Variants in TGFBI observed in about 807,000 individuals in gnomAD.
The protein encoded by TGFBI is transforming growth factor beta induced.
TGFBI carries 50 observed loss-of-function variants against 73.7 expected under a neutral mutation model. The observed-to-expected ratio is 0.68, with a 90% CI of 0.54 to 0.86. The LOEUF is 0.86. TGFBI is among the 40% of genes least tolerant of loss of function. The pLI is 0.00. For missense variants in TGFBI, 839 were observed against 877.0 expected (o/e 0.96, Z 0.55); for synonymous variants, 362 against 360.5 (o/e 1.00, Z -0.05).
At chr5:136,029,281 C>G in intron 1 of TGFBI, 92 bp downstream of exon 1, 1 of 1,322,028 alleles carries the variant, frequency 7.6e-7, no homozygotes, top group Non-Finnish European at 9.8e-7. Flanking sequence ...GGGCTGGGGG[C>G]GCAGGGGACA....
Position 136,049,662 on chromosome 5 carries a change from T to C in TGFBI, c.913+82T>C, listed in dbSNP as rs554154883. On this transcript the variant is annotated intron_variant, in intron 7 of 16. Transcript: ENST00000442011. Reference sequence around the variant, plus strand: ...GACCTGCTCTGGTCCAAGATGAACATACCACCTGCCATGAGGTGACCCTCA... The same window carrying C: ...GACCTGCTCTGGTCCAAGATGAACACACCACCTGCCATGAGGTGACCCTCA... 45 of 1,496,760 alleles carry C rather than the reference T, an allele frequency of 3.0e-5. No individual in the cohort carries two copies. The South Asian group carries it at 5.3e-4, about 18-fold the overall frequency. 92.7% of individuals were successfully genotyped at this position (1,496,760 alleles called of 1,614,324 possible). A position where few individuals can be genotyped will look rare whatever the true frequency, so the allele number is the denominator to read the frequency against.
chr5:136,045,917 A>G (rs1008855304), intron 3 of TGFBI: 4 of 155,070 alleles, frequency 2.6e-5, no homozygotes, highest in African/African-American at 9.6e-5. Context: ...GCAAATACAC[A>G]CAGTACTTTG....
At chr5:136,061,995 G>T (rs1362487263) in intron 15 of TGFBI, among the ~76,000 whole-genome samples, 1 of 152,202 alleles carries the variant, frequency 6.6e-6, no homozygotes, top group Non-Finnish European at 1.5e-5. Flanking sequence ...TGAGGCTGGG[G>T]CTCTCCTGGG....
chr5:136,046,758 G>T, intron 4 of TGFBI, 93 bp from the exon 5 acceptor site: 1 of 1,460,250 alleles, frequency 6.8e-7, no homozygotes, highest in South Asian at 1.4e-5. Context: ...CTGGGCTCAC[G>T]AGGGCTGAGA....
At position 136,044,061 on chromosome 5, in the gene TGFBI, C is replaced by T; in HGVS notation, c.237C>T (p.Val79=). ...YQRKICGKST[V]ISYECCPGYE... Reference sequence around the variant, plus strand: ...ATGTATGGTTGTCTTGTTACAGAGTCATCAGCTACGAGTGCTGTCCTGGAT... The same window carrying T: ...ATGTATGGTTGTCTTGTTACAGAGTTATCAGCTACGAGTGCTGTCCTGGAT... The change falls in exon 3 of 17, where the codon GTC becomes GTT. Residue 79 remains valine (V), a synonymous_variant. Coordinates refer to ENST00000442011, the MANE Select transcript of TGFBI (RefSeq NM_000358.3). 3.1e-6 allele frequency: 5 copies of T among 1,613,232 alleles called. No individual in the cohort carries two copies. The highest frequency in any genetic ancestry group is 1.7e-5 in the Admixed American group (1 of 59,984).
At chr5:136,035,450 C>T (rs1332275378) in intron 2 of TGFBI, among the ~76,000 whole-genome samples, 1 of 151,944 alleles carries the variant, frequency 6.6e-6, no homozygotes, top group East Asian at 1.9e-4. Flanking sequence ...GGTGAAACCC[C>T]GTCTCTACTA....
At chr5:136,048,936 G>A (rs745880950) in intron 6 of TGFBI, 35 of 154,798 alleles carry the variant, frequency 2.3e-4, no homozygotes, top group Middle Eastern at 6.6e-3. Flanking sequence ...TGGCAGCTGT[G>A]TAGAGAATGG....
chr5:136,043,032 G>A (rs1208027334), intron 2 of TGFBI, among the ~76,000 whole-genome samples: 1 of 152,196 alleles, frequency 6.6e-6, no homozygotes, highest in East Asian at 1.9e-4. Context: ...AAAACCCGCT[G>A]CAATTAAAGT....
chr5:136,049,259 GC>G (rs944770663), intron 6 of TGFBI, 179 bp from the exon 7 acceptor site: 1 of 706,182 alleles, frequency 1.4e-6, no homozygotes, highest in African/African-American at 1.8e-5. Flanking sequence ...TGGAGCTCAG[GC>G]CCAGCAAGGC....
intron 6 of TGFBI, chr5:136,048,980 C>T (rs45496693): frequency 0.032 from 5,026 of 157,962 alleles, 287 homozygotes; most frequent in African/African-American, 0.11. Context: ...GGCTCATGTA[C>T]GTGATTACCA....
At position 136,039,795 on chromosome 5, in the gene TGFBI, G is replaced by A. The variant is rs45465491; in HGVS notation, c.234-4263G>A. 9.2e-3 allele frequency among the ~76,000 whole-genome samples: 1,400 copies of A among 152,316 alleles called. 21 individuals are homozygous for A. The highest frequency in any genetic ancestry group is 0.032 in the African/African-American group (1,329 of 41,554). On this transcript the variant is annotated intron_variant, in intron 2 of 16. Coordinates refer to ENST00000442011, the MANE Select transcript of TGFBI (RefSeq NM_000358.3). Reference sequence around the variant, plus strand: ...CTTTGTTGGTAGACAGTAGGTTAAAGCAAGCCATGATTTTCTATTGGGAGG... The same window carrying A: ...CTTTGTTGGTAGACAGTAGGTTAAAACAAGCCATGATTTTCTATTGGGAGG...
chr5:136,060,846 G>A lies in TGFBI; in HGVS notation c.1816G>A (p.Val606Met). Residue 606 changes from valine to methionine, a missense_variant, in exon 14 of 17, where the codon GTG becomes ATG. Transcript: ENST00000442011. ...GTTTTTCTTTTAGAAAAACAATGTG[G>A]TGAGTGTCAACAAGGAGCCTGTTGC... ...KLEVSLKNNV[V>M]SVNKEPVAEP... 2 of 1,600,110 alleles carry A rather than the reference G, an allele frequency of 1.2e-6. No individual in the cohort carries two copies. Among genetic ancestry groups the A allele is most frequent in the Non-Finnish European group, 1.7e-6 (2 of 1,170,158 alleles).
intron 16 of TGFBI, 26 bp from the exon 17 acceptor site, chr5:136,063,160 T>G (rs1282727354): frequency 6.2e-7 from 1 of 1,611,046 alleles, no homozygotes; most frequent in East Asian, 2.2e-5. Flanking sequence ...TGCACCTATT[T>G]GACGTTACCA....
intron 2 of TGFBI, 32 bp from the exon 3 acceptor site, chr5:136,044,026 G>A: frequency 6.3e-7 from 1 of 1,598,722 alleles, no homozygotes; most frequent in Non-Finnish European, 8.6e-7. Context: ...GTGAAGCCCT[G>A]CCTAACACAA....
At chr5:136,061,302 C>T in intron 14 of TGFBI, 198 bp from the exon 15 acceptor site, 1 of 612,310 alleles carries the variant, frequency 1.6e-6, no homozygotes, top group Non-Finnish European at 2.9e-6. Flanking sequence ...TCCTGCCTCT[C>T]CTCATGTGTG....
At chr5:136,052,862 T>A in intron 7 of TGFBI, 45 bp from the exon 8 acceptor site, 1 of 1,587,596 alleles carries the variant, frequency 6.3e-7, no homozygotes, top group Non-Finnish European at 8.6e-7. Context: ...CCTGAGGTTA[T>A]CGTGGAGTGG....
rs761942644 is a variant in TGFBI, at chr5:136,046,357, C to T, written c.321C>T (p.Tyr107=). Reference sequence around the variant, plus strand: ...CAGCCCTACCACTCTCAAACCTTTACGAGACCCTGGGAGTCGTTGGATCCA... The same window carrying T: ...CAGCCCTACCACTCTCAAACCTTTATGAGACCCTGGGAGTCGTTGGATCCA... ...CPAALPLSNL[Y]ETLGVVGSTT... The change falls in exon 4 of 17, where the codon TAC becomes TAT. Residue 107 remains tyrosine (Y), a synonymous_variant. Coordinates refer to ENST00000442011, the MANE Select transcript of TGFBI (RefSeq NM_000358.3). 3.2e-5 allele frequency: 52 copies of T among 1,613,810 alleles called. No individual in the cohort carries two copies. The East Asian group carries it at 3.8e-4, about 12-fold the overall frequency.
At chr5:136,042,842 G>A (rs985788504) in intron 2 of TGFBI, among the ~76,000 whole-genome samples, 3 of 152,084 alleles carry the variant, frequency 2.0e-5, no homozygotes, top group African/African-American at 7.2e-5. Context: ...GCTTAACTAA[G>A]TCTTCCCTGA....
In TGFBI at chr5:136,054,041, C is replaced by G. The variant is rs777531295; in HGVS notation, c.1225C>G (p.Arg409Gly). 1 of 1,613,956 alleles carries G rather than the reference C, an allele frequency of 6.2e-7. No homozygotes were observed. The highest frequency in any genetic ancestry group is 8.5e-7 in the Non-Finnish European group (1 of 1,179,858). ...GLGNHLSGSE[R>G]LTLLAPLNSV... ...CGGCAATCATCTCTCTGGAAGTGAG[C>G]GGTTGACCCTCCTGGCTCCCCTGAA... The change falls in exon 9 of 17, where the codon CGG becomes GGG. Residue 409 changes from arginine (R) to glycine (G), a missense_variant. By Grantham distance (125) the Arg-to-Gly change is moderately radical. Transcript: ENST00000442011.
Sources: allele counts gnomAD v4.1 joint callset (sites outside exome capture counted in the v4.1 genomes callset), GRCh38; gene constraint gnomAD v4.1.1; transcripts MANE v1.5; gene names NCBI Gene and HGNC (gene_info 2026-07-23, HGNC 2026-07-21).